PRUNE2: variants seen among roughly 807,000 people sequenced by gnomAD.
The protein encoded by PRUNE2 is prune homolog 2 with BCH domain, also known as protein prune homolog 2.
A neutral mutation model predicts 252.0 loss-of-function variants in PRUNE2; 164 were observed. The ratio of observed to expected loss-of-function variants is 0.65; its 90% CI spans 0.57 to 0.74. The LOEUF (loss-of-function observed/expected upper bound fraction) is 0.74, where lower values mean the gene tolerates loss of function less well. Among genes scored for constraint, PRUNE2 ranks in the 30% least tolerant of loss-of-function variants. PRUNE2 has a pLI of 0.00. For missense variants in PRUNE2, 3,495 were observed against 3,711.0 expected, an observed-to-expected ratio of 0.94 and a Z score of 1.51; for synonymous variants, 1,292 against 1,350.2, an observed-to-expected ratio of 0.96 and a Z score of 0.94.
chr9:76,837,219 G>A (rs549747699), intron 4 of PRUNE2, among the ~76,000 whole-genome samples: 27 of 152,092 alleles, frequency 1.8e-4, no homozygotes, highest in South Asian at 4.1e-4. Context: ...CAAGGCGGGC[G>A]GATCACAAGG....
At chr9:76,840,481 T>G (rs143875010) in intron 4 of PRUNE2, among the ~76,000 whole-genome samples, 73 of 152,308 alleles carry the variant, frequency 4.8e-4, no homozygotes, top group African/African-American at 1.7e-3. Context: ...ACTTAGCTCA[T>G]AGAAAATGTA....
chr9:76,888,245 T>C (rs2062226655), intron 1 of PRUNE2, among the ~76,000 whole-genome samples: 1 of 152,180 alleles, frequency 6.6e-6, no homozygotes, highest in Non-Finnish European at 1.5e-5. Flanking sequence ...CAAGGACTTC[T>C]GGGAAGATGG....
chr9:76,622,433 T>G (rs1381079695), intron 17 of PRUNE2, among the ~76,000 whole-genome samples: 1 of 152,200 alleles, frequency 6.6e-6, no homozygotes. Context: ...CAAGATTTCA[T>G]GGTAATAATG....
At chr9:76,855,082 A>AAAAAAAAAAAATATATATATAT (rs1490285240) in intron 1 of PRUNE2, among the ~76,000 whole-genome samples, 2 of 109,414 alleles carry the variant, frequency 1.8e-5, no homozygotes, top group African/African-American at 7.7e-5. Context: ...AAAAAAAAAA[A>AAAAAAAAAAAATATATATATAT]ATATATATAT....
At chr9:76,694,817 ATGTTG>A (rs2045224633) in intron 9 of PRUNE2, among the ~76,000 whole-genome samples, 1 of 152,166 alleles carries the variant, frequency 6.6e-6, no homozygotes, top group Non-Finnish European at 1.5e-5. Flanking sequence ...GCATTCTATT[ATGTTG>A]AAAAAAAGGG....
At chr9:76,799,515 G>A (rs1346847593) in intron 6 of PRUNE2, among the ~76,000 whole-genome samples, 1 of 152,146 alleles carries the variant, frequency 6.6e-6, no homozygotes, top group East Asian at 1.9e-4. Flanking sequence ...TGATGTTCAG[G>A]ATGTGTGCAT....
intron 6 of PRUNE2, among the ~76,000 whole-genome samples, chr9:76,815,280 C>A (rs1279057812): frequency 6.6e-6 from 1 of 152,206 alleles, no homozygotes; most frequent in African/African-American, 2.4e-5. Flanking sequence ...AACCTTGGAT[C>A]CCTGCTTGTC....
At chr9:76,679,553 G>A (rs919503602) in intron 9 of PRUNE2, among the ~76,000 whole-genome samples, 10 of 152,160 alleles carry the variant, frequency 6.6e-5, no homozygotes, top group Non-Finnish European at 1.0e-4. Flanking sequence ...ACTATAGGAA[G>A]GCTGAGATAG....
At chr9:76,626,432 G>A (rs781560396) in intron 16 of PRUNE2, among the ~76,000 whole-genome samples, 1 of 152,192 alleles carries the variant, frequency 6.6e-6, no homozygotes, top group Non-Finnish European at 1.5e-5. Context: ...ATGAAATTGA[G>A]GTGATGAAGG....
chr9:76,798,064 A>C (rs2056254662), intron 6 of PRUNE2, among the ~76,000 whole-genome samples: 1 of 152,220 alleles, frequency 6.6e-6, no homozygotes. Flanking sequence ...TGATTAAAGC[A>C]ACATGGAACT....
chr9:76,812,542 T>C (rs1157779792), intron 6 of PRUNE2, among the ~76,000 whole-genome samples: 3 of 152,234 alleles, frequency 2.0e-5, no homozygotes, highest in Non-Finnish European at 4.4e-5. Flanking sequence ...TGAGCACTTC[T>C]ACTACGATAT....
chr9:76,731,320 ATATAT>A (rs1409310450), intron 6 of PRUNE2, among the ~76,000 whole-genome samples: 6 of 101,638 alleles, frequency 5.9e-5, no homozygotes, highest in East Asian at 7.2e-4. Flanking sequence ...CTATATATAT[ATATAT>A]TTTTTTTTTT....
rs368767936 is a variant in PRUNE2 at position 76,703,822 on chromosome 9, T to C, written c.7791A>G (p.Thr2597=). The change falls in exon 9 of 19, where the codon ACA becomes ACG. Residue 2597 remains threonine (T), a synonymous_variant. Coordinates refer to ENST00000376718, the MANE Select transcript of PRUNE2 (RefSeq NM_015225.3). ...TTTCATTTAAGGAGGCTGGCTGACA[T>C]GTGTCTGGGAAGCTTGCTAACTGAG... The part of the protein sequence containing the change: ...QGTQLASFPD[T]CQPASLNERK... 2.8e-4 allele frequency: 458 copies of C among 1,613,880 alleles called. No individual in the cohort carries two copies. The highest frequency in any genetic ancestry group is 3.7e-4 in the Non-Finnish European group (439 of 1,179,894).
In PRUNE2 at chr9:76,631,883, A is replaced by G. The variant is rs193185720; in HGVS notation, c.9051-2593T>C. On this transcript the variant is annotated intron_variant, in intron 15 of 18. Transcript: ENST00000376718. Reference sequence around the variant, plus strand: ...TATACTCAATGTTCAGCTCCCACTTATAAGTGAGAACATGCGGTATTTGGT... The same window carrying G: ...TATACTCAATGTTCAGCTCCCACTTGTAAGTGAGAACATGCGGTATTTGGT... Among the ~76,000 whole-genome samples the G allele has an allele frequency of 3.5e-4, 53 of 152,348 alleles. No homozygotes were observed. The East Asian group carries it at 8.1e-3, about 23-fold the overall frequency.
At position 76,696,437 on chromosome 9, in the gene PRUNE2, A is replaced by AG. The variant is rs1009045014; in HGVS notation, c.8276+6899dup. On this transcript the variant is annotated intron_variant, in intron 9 of 18. Coordinates refer to ENST00000376718, the MANE Select transcript of PRUNE2 (RefSeq NM_015225.3). ...CCTCCCTCACCCTCCGACTTCCACT[A>AG]GGTTTTTTGTTTGTTTGTTTGTTTG... 4.7e-4 allele frequency among the ~76,000 whole-genome samples: 72 copies of AG among 151,866 alleles called. 1 individual carries two copies. Among genetic ancestry groups the AG allele is most frequent in the Admixed American group, 2.1e-3 (32 of 15,240 alleles).
intron 9 of PRUNE2, among the ~76,000 whole-genome samples, chr9:76,669,686 C>T (rs1267484818): frequency 1.3e-5 from 2 of 152,204 alleles, no homozygotes; most frequent in Non-Finnish European, 2.9e-5. Context: ...AAGCTGACTT[C>T]CAACTGGGCG....
chr9:76,788,691 G>A (rs780366631), intron 6 of PRUNE2, among the ~76,000 whole-genome samples: 11 of 152,072 alleles, frequency 7.2e-5, no homozygotes, highest in Non-Finnish European at 1.5e-4. Flanking sequence ...ACCTGAGTGG[G>A]GCCACATCTG....
chr9:76,876,286 G>A (rs1007045797), intron 1 of PRUNE2, among the ~76,000 whole-genome samples: 2 of 152,130 alleles, frequency 1.3e-5, no homozygotes, highest in Admixed American at 1.3e-4. Context: ...TCGAAGCAAG[G>A]AATAGCATGT....
chr9:76,857,113 T>A lies in PRUNE2; in HGVS notation c.37-2905A>T, dbSNP rs1304180920. The stretch of plus-strand genomic sequence containing the variant: ...TCCTCACTTTCCTTCATCCTATGCA[T>A]CAAGTTCCTTCATGGTCATGGCCTC... On this transcript the variant is annotated intron_variant, in intron 1 of 18. Coordinates refer to ENST00000376718, the MANE Select transcript of PRUNE2 (RefSeq NM_015225.3). 6.6e-6 allele frequency: 3 copies of A among 455,836 alleles called. No individual in the cohort carries two copies. In the East Asian group the frequency reaches 2.1e-4, roughly 32 times the overall value. The allele number at this position is 455,836 out of a possible 1,614,324, so 28.2% of individuals were successfully genotyped here.
Sources: allele counts gnomAD v4.1 joint callset (sites outside exome capture counted in the v4.1 genomes callset), GRCh38; gene constraint gnomAD v4.1.1; transcripts MANE v1.5; gene names NCBI Gene and HGNC (gene_info 2026-07-23, HGNC 2026-07-21).